The following RTEL1 variants were observed in gnomAD, a reference collection of about 807,000 sequenced individuals.
RTEL1 encodes the protein regulator of telomere length.
Under a neutral mutation model 162.2 loss-of-function variants are expected in RTEL1, and 86 were observed. The observed-to-expected ratio is 0.53, with a 90% CI of 0.45 to 0.63. RTEL1 has a LOEUF of 0.63. Among genes scored for constraint, RTEL1 ranks in the 30% least tolerant of loss-of-function variants. The probability of loss-of-function intolerance (pLI) is 0.00; values close to 1 mark genes in which losing one functional copy is unlikely to be tolerated. For missense variants in RTEL1, 1,941 were observed against 1,750.2 expected (o/e 1.11, Z -1.95); for synonymous variants, 958 against 717.9 (o/e 1.33, Z -5.35).
intron 31 of RTEL1, 77 bp from the exon 32 acceptor site, chr20:63,694,664 A>T (rs2090923915): frequency 7.3e-7 from 1 of 1,362,278 alleles, no homozygotes; most frequent in African/African-American, 1.5e-5. Context: ...GAGTTCCTGG[A>T]GGAAGGGCGG....
Position 63,693,270 on chromosome 20 carries a change from C to G in RTEL1, c.2979C>G (p.Val993=), listed in dbSNP as rs116365288. The part of the protein sequence containing the change: ...SIPRRQRAQP[V]LDPTGRTAPD... Reference sequence around the variant, plus strand: ...CCCGAAGGCAGCGGGCACAGCCGGTCCTGGACCCCACTGGTAAATGGGGCC... The same window carrying G: ...CCCGAAGGCAGCGGGCACAGCCGGTGCTGGACCCCACTGGTAAATGGGGCC... Residue 993 remains valine (V), a synonymous_variant, in exon 30 of 35, where the codon GTC becomes GTG. Transcript: ENST00000360203. 1.6e-5 allele frequency: 26 copies of G among 1,611,794 alleles called. No homozygotes were observed. In the East Asian group the frequency reaches 5.3e-4, roughly 33 times the overall value.
intron 30 of RTEL1, among the ~76,000 whole-genome samples, chr20:63,693,747 A>T (rs186108544): frequency 8.9e-4 from 55 of 61,792 alleles, no homozygotes; most frequent in Middle Eastern, 6.8e-3. Flanking sequence ...CTCCACCACC[A>T]CCACCACCTC....
rs528710897 is a variant in RTEL1 at position 63,694,338 on chromosome 20, C to T, written c.2993-34C>T. ...CCCCAGGGAACTTTCCAGATGCTCTCGACCAGCTTTGTGGCTCTACATCTC... is the reference window on the plus strand; with the variant it reads ...CCCCAGGGAACTTTCCAGATGCTCTTGACCAGCTTTGTGGCTCTACATCTC... On this transcript the variant is annotated intron_variant, in intron 30 of 34. Transcript: ENST00000360203. 45 of 1,245,484 alleles carry T rather than the reference C, an allele frequency of 3.6e-5. 1 individual carries two copies. Among genetic ancestry groups the T allele is most frequent in the Middle Eastern group, 3.9e-4 (2 of 5,064 alleles). The allele number at this position is 1,245,484 out of a possible 1,614,324, so 77.2% of individuals were successfully genotyped here. A position where few individuals can be genotyped will look rare whatever the true frequency, so the allele number is the denominator to read the frequency against.
At chr20:63,664,393 G>A (rs750800954) in intron 6 of RTEL1, among the ~76,000 whole-genome samples, 9 of 152,196 alleles carry the variant, frequency 5.9e-5, no homozygotes, top group Non-Finnish European at 1.2e-4. Context: ...GCAGTGCCCC[G>A]GTGGCTGCTG....
Position 63,692,966 on chromosome 20 carries a change from C to A in RTEL1, c.2814C>A (p.Leu938=), listed in dbSNP as rs757150825. The part of the protein sequence containing the change: ...FAALAACLGP[L]FAEDPKKHNL... ...CCCTGGCCGCCTGTCTCGGCCCCCT[C>A]TTTGCTGAGGACCCCAAGAAGCACA... is the stretch of plus-strand genomic sequence containing the variant. Residue 938 remains leucine, a synonymous_variant, in exon 29 of 35, where the codon CTC becomes CTA. Coordinates refer to ENST00000360203, the MANE Select transcript of RTEL1 (RefSeq NM_001283009.2). 3 of 1,612,664 alleles carry A rather than the reference C, an allele frequency of 1.9e-6. 1 individual carries two copies. The highest frequency in any genetic ancestry group is 2.2e-5 in the South Asian group (2 of 91,092).
At chr20:63,694,213 C>G in intron 30 of RTEL1, 159 bp from the exon 31 acceptor site, 1 of 661,062 alleles carries the variant, frequency 1.5e-6, no homozygotes, top group Non-Finnish European at 2.7e-6. Context: ...CTGGTGTCTC[C>G]TCTGATGCCC....
intron 7 of RTEL1, among the ~76,000 whole-genome samples, 180 bp from the exon 8 acceptor site, chr20:63,667,289 A>G (rs569240090): frequency 6.6e-6 from 1 of 151,732 alleles, no homozygotes; most frequent in Non-Finnish European, 1.5e-5. Flanking sequence ...GGAAACTCAC[A>G]TGGACTCCCC....
At position 63,696,172 on chromosome 20, in the gene RTEL1, G is replaced by A; in HGVS notation, c.*314G>A. ...CAGCTGAGCCCCTCACCGGGAAGGA[G>A]GAGACCCCCGTGGGCACGTGTCCAC... On this transcript the variant is annotated 3_prime_UTR_variant, in exon 35 of 35. Transcript: ENST00000360203. 1 of 469,664 alleles carries A rather than the reference G, an allele frequency of 2.1e-6. No individual in the cohort carries two copies. The highest frequency in any genetic ancestry group is 3.8e-6 in the Non-Finnish European group (1 of 262,816). 29.1% of individuals were successfully genotyped at this position (469,664 alleles called of 1,614,324 possible).
intron 8 of RTEL1, 90 bp from the exon 9 acceptor site, chr20:63,672,466 G>T: frequency 1.9e-6 from 2 of 1,063,596 alleles, no homozygotes; most frequent in South Asian, 1.3e-5. Flanking sequence ...CTGCGCTTGT[G>T]ATGTTCGATG....
intron 9 of RTEL1, 103 bp from the exon 10 acceptor site, chr20:63,673,837 G>A: frequency 7.4e-7 from 1 of 1,350,430 alleles, no homozygotes; most frequent in South Asian, 1.4e-5. Context: ...TGGGAACTTG[G>A]CTGTCAGCCT....
rs2090704904 is a variant in RTEL1 at position 63,690,314 on chromosome 20, G to C, written c.2286G>C (p.Arg762=). 6.2e-7 allele frequency: 1 copy of C among 1,608,398 alleles called. No homozygotes were observed. The highest frequency in any genetic ancestry group is 1.3e-5 in the African/African-American group (1 of 74,786). ...TGCAGATGCCAGCGCCGGCCCCCCG[G>C]GCTACAGCACCCAGTGTGCGTGGAG... ...AERTMPAPAP[R]ATAPSVRGED... The change falls in exon 26 of 35, where the codon CGG becomes CGC. Residue 762 remains arginine, a synonymous_variant. Transcript: ENST00000360203.
intron 22 of RTEL1, 36 bp from the exon 23 acceptor site, chr20:63,689,466 C>A: frequency 6.7e-7 from 1 of 1,496,384 alleles, no homozygotes; most frequent in Non-Finnish European, 8.9e-7. Flanking sequence ...AGAGGAGCCC[C>A]CACGGCCCCA....
In RTEL1 at chr20:63,668,358, C is replaced by G. The variant is rs978663730; in HGVS notation, c.699+805C>G. 6.6e-6 allele frequency among the ~76,000 whole-genome samples: 1 copy of G among 152,212 alleles called. No individual in the cohort carries two copies. Among genetic ancestry groups the G allele is most frequent in the African/African-American group, 2.4e-5 (1 of 41,450 alleles). ...GTATATTTATTGAGAGCTCATCATG[C>G]TGGGTGCTATTCCAGGCATAGCAAG... is the stretch of plus-strand genomic sequence containing the variant. On this transcript the variant is annotated intron_variant, in intron 8 of 34. Transcript: ENST00000360203. The surrounding 1 kb of genome is among the most constrained non-coding windows in gnomAD (Gnocchi z 4.3).
chr20:63,683,319 A>G (rs1307280580), intron 14 of RTEL1, among the ~76,000 whole-genome samples: 1 of 152,188 alleles, frequency 6.6e-6, no homozygotes, highest in Non-Finnish European at 1.5e-5. Flanking sequence ...AGCCCTGCTC[A>G]TGGCAGCCAC....
At chr20:63,682,705 C>T (rs2090503645) in intron 14 of RTEL1, 2 of 985,624 alleles carry the variant, frequency 2.0e-6, no homozygotes, top group African/African-American at 3.5e-5. Flanking sequence ...GCCTGCAGCC[C>T]TGAGTCACAG....
intron 8 of RTEL1, among the ~76,000 whole-genome samples, chr20:63,671,232 T>C (rs989309314): frequency 6.6e-6 from 1 of 151,380 alleles, no homozygotes; most frequent in African/African-American, 2.4e-5. Context: ...GGCTAATTTT[T>C]GTATTTTCAG....
At chr20:63,678,386 C>A in intron 12 of RTEL1, 40 bp downstream of exon 12, 1 of 1,573,016 alleles carries the variant, frequency 6.4e-7, no homozygotes, top group Non-Finnish European at 8.6e-7. Flanking sequence ...GCAGGCCCAG[C>A]CTAGAGCTAG....
intron 30 of RTEL1, 36 bp from the exon 31 acceptor site, chr20:63,694,336 C>T (rs746377966): frequency 9.2e-7 from 1 of 1,085,106 alleles, no homozygotes; most frequent in Non-Finnish European, 1.4e-6. Context: ...TCCAGATGCT[C>T]TCGACCAGCT....
At position 63,659,381 on chromosome 20, in the gene RTEL1, G is replaced by A. The variant is rs752228931; in HGVS notation, c.-22G>A. 4 of 1,584,578 alleles carry A rather than the reference G, an allele frequency of 2.5e-6. No individual in the cohort carries two copies. The highest frequency in any genetic ancestry group is 3.5e-6 in the Non-Finnish European group (4 of 1,153,170). On this transcript the variant is annotated 5_prime_UTR_variant, in exon 2 of 35. Transcript: ENST00000360203. ...AGCCTGCCCCTCAGCCACGCTCTGT[G>A]CCCTTCTGAGAACAGGCTGATATGC...
Sources: gnomAD v4.1 joint callset for allele counts (sites outside exome capture counted in the v4.1 genomes callset) on GRCh38, gnomAD v4.1.1 for gene constraint, Gnocchi (gnomAD v3.1) non-coding constraint, MANE v1.5 for transcripts, NCBI Gene and HGNC (gene_info 2026-07-23, HGNC 2026-07-21) for gene names.